Variants in PLEKHG1 observed in about 807,000 individuals in gnomAD.
PLEKHG1 encodes the protein pleckstrin homology and RhoGEF domain containing G1, also known as pleckstrin homology domain-containing family G member 1.
Under a neutral mutation model 100.8 loss-of-function variants are expected in PLEKHG1, and 44 were observed. The observed-to-expected ratio is 0.44, with a 90% CI of 0.34 to 0.56. PLEKHG1 has a LOEUF of 0.56. Among genes scored for constraint, PLEKHG1 ranks in the 20% least tolerant of loss-of-function variants. The probability of loss-of-function intolerance (pLI) is 0.01; values close to 1 mark genes in which losing one functional copy is unlikely to be tolerated. For synonymous variants in PLEKHG1, 640 were observed against 662.5 expected (o/e 0.97, Z 0.52); for missense variants, 1,545 against 1,720.9 (o/e 0.90, Z 1.81).
At chr6:150,722,273 A>G (rs985895604) in intron 1 of PLEKHG1, among the ~76,000 whole-genome samples, 2 of 151,018 alleles carry the variant, frequency 1.3e-5, no homozygotes, top group African/African-American at 4.9e-5. Context: ...TACCTTCTAA[A>G]TGGCTTTATT....
intron 1 of PLEKHG1, among the ~76,000 whole-genome samples, chr6:150,636,292 TAA>T (rs60407695): frequency 6.7e-6 from 1 of 150,168 alleles, no homozygotes; most frequent in Non-Finnish European, 1.5e-5. Context: ...TGACTTTTTT[TAA>T]AAAAAAAAGC....
chr6:150,673,459 C>T (rs1779641550), intron 3 of PLEKHG1, among the ~76,000 whole-genome samples: 1 of 152,182 alleles, frequency 6.6e-6, no homozygotes, highest in African/African-American at 2.4e-5. Flanking sequence ...GCAATGCTTG[C>T]TTTCGAATCC....
intron 3 of PLEKHG1, among the ~76,000 whole-genome samples, chr6:150,781,022 C>T (rs1008503980): frequency 8.6e-5 from 13 of 151,422 alleles, no homozygotes; most frequent in Non-Finnish European, 1.5e-4. Context: ...TACAAGCATG[C>T]GCCACCACGC....
chr6:150,601,472 C>T (rs538551381), intron 1 of PLEKHG1, among the ~76,000 whole-genome samples: 10 of 152,244 alleles, frequency 6.6e-5, no homozygotes, highest in Non-Finnish European at 1.3e-4. Context: ...ACCCCTACCC[C>T]CTGTAATTTG....
chr6:150,817,066 C>T (rs9478139), intron 10 of PLEKHG1, among the ~76,000 whole-genome samples: 28 of 152,216 alleles, frequency 1.8e-4, no homozygotes, highest in African/African-American at 4.6e-4. Flanking sequence ...TCCTGCTGTG[C>T]GGCCCAGTTC....
At chr6:150,840,603 G>A in exon 16 of PLEKHG1, 2 of 1,614,224 alleles carry the variant, frequency 1.2e-6, no homozygotes, top group African/African-American at 1.3e-5. Flanking sequence ...AGAAGAAGAT[G>A]AGTCGGAGTT....
chr6:150,755,004 C>T (rs1160511052), intron 2 of PLEKHG1, among the ~76,000 whole-genome samples: 2 of 148,844 alleles, frequency 1.3e-5, no homozygotes, highest in Non-Finnish European at 3.0e-5. Flanking sequence ...GAGATAGGAT[C>T]TCGCTCTGTT....
At position 150,800,714 on chromosome 6, in the gene PLEKHG1, T is replaced by C. The variant is rs1786643214; in HGVS notation, c.630-5T>C. 6.2e-7 allele frequency: 1 copy of C among 1,612,740 alleles called. No homozygotes were observed. The highest frequency in any genetic ancestry group is 1.1e-5 in the South Asian group (1 of 90,812). Reference sequence around the variant, plus strand: ...TTTAGATAAAAACATGGACTCTTCCTGCAGGTCCGTGGCTGTGCTAACAGA... The same window carrying C: ...TTTAGATAAAAACATGGACTCTTCCCGCAGGTCCGTGGCTGTGCTAACAGA... On this transcript the variant is annotated splice_region_variant and splice_polypyrimidine_tract_variant and intron_variant, in intron 5 of 15. Coordinates refer to ENST00000358517, the Ensembl canonical transcript of PLEKHG1.
chr6:150,642,953 C>A (rs548171033), intron 2 of PLEKHG1, among the ~76,000 whole-genome samples: 1 of 150,060 alleles, frequency 6.7e-6, no homozygotes, highest in Non-Finnish European at 1.5e-5. Flanking sequence ...AAGAAACATT[C>A]CCTACTTTTT....
intron 1 of PLEKHG1, among the ~76,000 whole-genome samples, chr6:150,628,578 C>CACACACACACACACACACACACACA (rs1263436444): frequency 6.2e-5 from 2 of 32,110 alleles, no homozygotes; most frequent in Non-Finnish European, 1.4e-4. Flanking sequence ...ACACACACAC[C>CACACACACACACACACACACACACA]CCGTCCTTGC....
intron 2 of PLEKHG1, among the ~76,000 whole-genome samples, chr6:150,734,841 AG>A (rs1238056644): frequency 2.6e-5 from 4 of 152,178 alleles, no homozygotes; most frequent in Non-Finnish European, 5.9e-5. Context: ...CTTATGTGCC[AG>A]GTCACATCCT....
intron 3 of PLEKHG1, among the ~76,000 whole-genome samples, chr6:150,668,331 A>G (rs190065616): frequency 3.9e-5 from 6 of 152,250 alleles, no homozygotes; most frequent in African/African-American, 1.4e-4. Context: ...TCCCTCAAAG[A>G]TTTTTCAACT....
chr6:150,832,544 C>T (rs1777007202), intron 15 of PLEKHG1, among the ~76,000 whole-genome samples: 1 of 152,074 alleles, frequency 6.6e-6, no homozygotes, highest in South Asian at 2.1e-4. Context: ...TCCAGTATAT[C>T]AGTAATTTTT....
At chr6:150,778,017 T>A (rs1785091189) in intron 3 of PLEKHG1, among the ~76,000 whole-genome samples, 1 of 152,254 alleles carries the variant, frequency 6.6e-6, no homozygotes. Flanking sequence ...TATAGCGAGA[T>A]GTCTTCCTCT....
At chr6:150,775,259 T>G (rs1784902839) in intron 3 of PLEKHG1, among the ~76,000 whole-genome samples, 1 of 152,172 alleles carries the variant, frequency 6.6e-6, no homozygotes, top group South Asian at 2.1e-4. Flanking sequence ...AAAAAGAAAG[T>G]ACCCCTCTCT....
chr6:150,789,299 T>C (rs1785825197), intron 4 of PLEKHG1, among the ~76,000 whole-genome samples: 1 of 152,222 alleles, frequency 6.6e-6, no homozygotes, highest in African/African-American at 2.4e-5. Flanking sequence ...TATATATTTG[T>C]ATAACACATT....
At chr6:150,793,643 T>C (rs1242973238) in intron 4 of PLEKHG1, among the ~76,000 whole-genome samples, 1 of 152,220 alleles carries the variant, frequency 6.6e-6, no homozygotes, top group Non-Finnish European at 1.5e-5. Context: ...TTTATGTCCA[T>C]TGGACTTCCC....
At chr6:150,798,328 G>A (rs1306300840) in intron 5 of PLEKHG1, among the ~76,000 whole-genome samples, 1 of 152,068 alleles carries the variant, frequency 6.6e-6, no homozygotes, top group African/African-American at 2.4e-5. Flanking sequence ...AGCTTGTTTG[G>A]GGAATTATGT....
At chr6:150,638,154 G>C (rs1778093611) in intron 2 of PLEKHG1, 1 of 152,144 alleles carries the variant, frequency 6.6e-6, no homozygotes, top group Non-Finnish European at 1.5e-5. Flanking sequence ...GATCTTCTTG[G>C]ATTGCTTAGA....
Sources: allele counts gnomAD v4.1 joint callset (sites outside exome capture counted in the v4.1 genomes callset), GRCh38; gene constraint gnomAD v4.1.1; transcripts MANE v1.5; gene names NCBI Gene and HGNC (gene_info 2026-07-23, HGNC 2026-07-21).